INHBC: variants seen among roughly 807,000 people sequenced by gnomAD.
INHBC encodes the protein inhibin beta C chain.
A neutral mutation model predicts 12.4 loss-of-function variants in INHBC; 10 were observed. That is an observed-to-expected ratio of 0.81 (90% CI 0.50 to 1.37). The LOEUF is 1.37. INHBC is among the 40% of genes most tolerant of loss of function. INHBC has a pLI of 0.00. For synonymous variants in INHBC, 147 were observed against 171.6 expected, an observed-to-expected ratio of 0.86 and a Z score of 1.12; for missense variants, 382 against 439.4, an observed-to-expected ratio of 0.87 and a Z score of 1.17.
chr12:57,436,775 T>G (rs1049486064), intron 1 of INHBC, among the ~76,000 whole-genome samples: 2 of 152,046 alleles, frequency 1.3e-5, no homozygotes, highest in Non-Finnish European at 2.9e-5. Context: ...CACGCCATTC[T>G]CCTGCCTCAG....
At chr12:57,436,767 C>T (rs1870350820) in intron 1 of INHBC, among the ~76,000 whole-genome samples, 1 of 151,370 alleles carries the variant, frequency 6.6e-6, no homozygotes. Context: ...CCTGGGTTCA[C>T]GCCATTCTCC....
chr12:57,447,796 C>T (rs750674316), intron 1 of INHBC, among the ~76,000 whole-genome samples: 5 of 123,258 alleles, frequency 4.1e-5, no homozygotes, highest in East Asian at 2.7e-4. Context: ...CGAGAGGCAG[C>T]GGTTGCAGTG....
intron 1 of INHBC, among the ~76,000 whole-genome samples, chr12:57,441,317 G>C (rs933316588): frequency 3.0e-5 from 4 of 131,284 alleles, no homozygotes; most frequent in Non-Finnish European, 3.1e-5. Flanking sequence ...TCGTGCCATT[G>C]CACTCCAGCC....
At chr12:57,442,409 A>T (rs1870485899) in intron 1 of INHBC, among the ~76,000 whole-genome samples, 1 of 152,196 alleles carries the variant, frequency 6.6e-6, no homozygotes, top group African/African-American at 2.4e-5. Context: ...AACTGGAGTG[A>T]CTTAAAAGGT....
At position 57,435,204 on chromosome 12, in the gene INHBC, G is replaced by T; in HGVS notation, c.313+5G>T. The T allele has an allele frequency of 1.2e-6, 2 of 1,602,202 alleles. No homozygotes were observed. The highest frequency in any genetic ancestry group is 8.5e-7 in the Non-Finnish European group (1 of 1,171,268). On this transcript the variant is annotated splice_donor_5th_base_variant and intron_variant, in intron 1 of 1. Coordinates refer to ENST00000309668, the MANE Select transcript of INHBC (RefSeq NM_005538.4). ...TCATCAGCTTTGCTGAGACAGGTGG[G>T]TTCCTGATCTGTAGCTCTTCCCCAG...
intron 1 of INHBC, among the ~76,000 whole-genome samples, chr12:57,439,871 G>A (rs369972109): frequency 1.3e-5 from 2 of 152,312 alleles, no homozygotes; most frequent in African/African-American, 4.8e-5. Context: ...GTCTTGCTAT[G>A]TTGCCCAGGC....
chr12:57,445,824 C>A (rs1870564411), intron 1 of INHBC, among the ~76,000 whole-genome samples: 1 of 150,026 alleles, frequency 6.7e-6, no homozygotes, highest in African/African-American at 2.5e-5. Context: ...CGGCTCACTG[C>A]AACCTCTGCC....
rs1870306296 is a variant in INHBC at position 57,435,162 on chromosome 12, G to A, written c.276G>A (p.Arg92=). 6.2e-7 allele frequency: 1 copy of A among 1,613,614 alleles called. No homozygotes were observed. The highest frequency in any genetic ancestry group is 2.2e-5 in the East Asian group (1 of 44,872). ...AGGGGGCACTTCTAGAGGACAACAG[G>A]GAACAGGAATGTGAAATCATCAGCT... The part of the protein sequence containing the change: ...VPQGALLEDN[R]EQECEIISFA... The change falls in exon 1 of 2, where the codon AGG becomes AGA. Residue 92 remains arginine (R), a synonymous_variant. Coordinates refer to ENST00000309668, the MANE Select transcript of INHBC (RefSeq NM_005538.4).
At chr12:57,448,648 A>G (rs1256451849) in intron 1 of INHBC, among the ~76,000 whole-genome samples, 1 of 152,136 alleles carries the variant, frequency 6.6e-6, no homozygotes, top group Non-Finnish European at 1.5e-5. Context: ...CTAGAAGGAA[A>G]TGAAAGTCCA....
chr12:57,437,750 A>G (rs1870374905), intron 1 of INHBC, among the ~76,000 whole-genome samples: 1 of 149,702 alleles, frequency 6.7e-6, no homozygotes, highest in South Asian at 2.1e-4. Context: ...GACCCTTCCC[A>G]TTTCTGGCCC....
rs185134984 is a variant in INHBC, at chr12:57,448,922, G to A, written c.314-355G>A. Among the ~76,000 whole-genome samples the A allele has an allele frequency of 2.0e-5, 3 of 152,338 alleles. No homozygotes were observed. The East Asian group carries it at 5.8e-4, about 29-fold the overall frequency. ...TGGGAAGTCCAAGATCAAGGGGCTG[G>A]CATCTGGCGAGGGCCTTCTTGCTTC... On this transcript the variant is annotated intron_variant, in intron 1 of 1. Coordinates refer to ENST00000309668, the MANE Select transcript of INHBC (RefSeq NM_005538.4).
chr12:57,444,790 C>T (rs558206168), intron 1 of INHBC, among the ~76,000 whole-genome samples: 1 of 151,962 alleles, frequency 6.6e-6, no homozygotes, highest in East Asian at 1.9e-4. Flanking sequence ...GTGATTCTCC[C>T]GAGTAGCTGG....
At chr12:57,437,779 T>G (rs1870377753) in intron 1 of INHBC, among the ~76,000 whole-genome samples, 1 of 33,330 alleles carries the variant, frequency 3.0e-5, no homozygotes, top group Non-Finnish European at 6.4e-5. Context: ...CTCGTTTTTG[T>G]GTTTGTTTGT....
Position 57,449,789 on chromosome 12 carries a change from T to C in INHBC, c.826T>C (p.Cys276Arg), listed in dbSNP as rs965357235. 23 of 1,614,096 alleles carry C rather than the reference T, an allele frequency of 1.4e-5. No homozygotes were observed. The highest frequency in any genetic ancestry group is 1.8e-5 in the Non-Finnish European group (21 of 1,180,032). Residue 276 changes from cysteine to arginine, a missense_variant, in exon 2 of 2, where the codon TGC (cysteine) becomes CGC (arginine). By Grantham distance (180) the Cys-to-Arg change is radical. Coordinates refer to ENST00000309668, the MANE Select transcript of INHBC (RefSeq NM_005538.4). ...GCCTGAGGGCTACGCCATGAACTTC[T>C]GCATAGGGCAGTGCCCACTACACAT... ...IQPEGYAMNF[C>R]IGQCPLHIAG... is the part of the protein sequence containing the mutation.
chr12:57,451,874 T>G lies in INHBC; in HGVS notation c.*1852T>G. The stretch of plus-strand genomic sequence containing the variant: ...CCTCCTTCCCAATTACAGCTTAGTC[T>G]CCAGGGCTAGGACTGGGGTAAAGCA... On this transcript the variant is annotated 3_prime_UTR_variant, in exon 2 of 2. Coordinates refer to ENST00000309668, the MANE Select transcript of INHBC (RefSeq NM_005538.4). The G allele has an allele frequency of 2.2e-6, 1 of 455,632 alleles. No homozygotes were observed. The highest frequency in any genetic ancestry group is 4.4e-6 in the Non-Finnish European group (1 of 226,714). The allele number at this position is 455,632 out of a possible 1,614,324, so 28.2% of individuals were successfully genotyped here.
rs535714255 is a variant in INHBC at position 57,451,731 on chromosome 12, G to A, written c.*1709G>A. On this transcript the variant is annotated 3_prime_UTR_variant, in exon 2 of 2. Coordinates refer to ENST00000309668, the MANE Select transcript of INHBC (RefSeq NM_005538.4). ...GGGGACTGTAAATCTGAGCTTGAGGGCTTCCTGAGCAACCCATGGAAGTTA... is the reference window on the plus strand; with the variant it reads ...GGGGACTGTAAATCTGAGCTTGAGGACTTCCTGAGCAACCCATGGAAGTTA... 1.8e-5 allele frequency: 7 copies of A among 398,672 alleles called. No individual in the cohort carries two copies. The highest frequency in any genetic ancestry group is 1.3e-4 in the South Asian group (7 of 55,164). The allele number at this position is 398,672 out of a possible 1,614,324, so 24.7% of individuals were successfully genotyped here.
rs1310481948 is a variant in INHBC, at chr12:57,451,055, T to G, written c.*1033T>G. Among the ~76,000 whole-genome samples the G allele has an allele frequency of 6.6e-6, 1 of 152,248 alleles. No individual in the cohort carries two copies. The highest frequency in any genetic ancestry group is 1.5e-5 in the Non-Finnish European group (1 of 68,052). ...GAGCCTGCCTGCTTATGCTGTAGTC[T>G]GCCTACTCTGCTGTCTCTTCACATG... On this transcript the variant is annotated 3_prime_UTR_variant, in exon 2 of 2. Coordinates refer to ENST00000309668, the MANE Select transcript of INHBC (RefSeq NM_005538.4).
chr12:57,447,368 A>G (rs1389778288), intron 1 of INHBC, among the ~76,000 whole-genome samples: 1 of 151,128 alleles, frequency 6.6e-6, no homozygotes, highest in African/African-American at 2.4e-5. Context: ...TATTTTTAGT[A>G]GAGATGGGGT....
At chr12:57,447,672 G>A (rs538852868) in intron 1 of INHBC, among the ~76,000 whole-genome samples, 1 of 148,892 alleles carries the variant, frequency 6.7e-6, no homozygotes, top group East Asian at 2.0e-4. Context: ...ATCACTTGAG[G>A]TGAGGAGTTC....
Sources: allele counts gnomAD v4.1 joint callset (sites outside exome capture counted in the v4.1 genomes callset), GRCh38; gene constraint gnomAD v4.1.1; transcripts MANE v1.5; gene names NCBI Gene and HGNC (gene_info 2026-07-23, HGNC 2026-07-21).